The following MMS22L variants were observed in gnomAD, a reference collection of about 807,000 sequenced individuals.
MMS22L encodes the protein MMS22 like, DNA repair protein, also known as protein MMS22-like.
A neutral mutation model predicts 159.1 loss-of-function variants in MMS22L; 74 were observed. That is an observed-to-expected ratio of 0.47 (90% confidence interval 0.39 to 0.56). MMS22L has a LOEUF of 0.56. Ranked by LOEUF, MMS22L falls within the 20% of genes least tolerant of loss-of-function variation. The pLI is 0.00. For missense variants in MMS22L, 1,351 were observed against 1,422.1 expected, an observed-to-expected ratio of 0.95 and a Z score of 0.80; for synonymous variants, 517 against 506.9, an observed-to-expected ratio of 1.02 and a Z score of -0.27.
intron 14 of MMS22L, among the ~76,000 whole-genome samples, chr6:97,188,632 C>A (rs1805506377): frequency 6.6e-6 from 1 of 152,294 alleles, no homozygotes; most frequent in Non-Finnish European, 1.5e-5. Context: ...TATGCGCCTA[C>A]ACATACACAA....
chr6:97,146,938 T>C, intron 24 of MMS22L, 51 bp from the exon 25 acceptor site: 2 of 1,272,434 alleles, frequency 1.6e-6, no homozygotes, highest in Non-Finnish European at 2.2e-6. Context: ...TTTCATTATT[T>C]TTCATTTCAG....
intron 21 of MMS22L, among the ~76,000 whole-genome samples, chr6:97,163,371 GGGAGTGCA>G (rs1802640477): frequency 6.6e-6 from 1 of 151,922 alleles, no homozygotes; most frequent in Non-Finnish European, 1.5e-5. Flanking sequence ...ACTCAGATGA[GGGAGTGCA>G]GGAATAGAGA....
At chr6:97,161,278 C>G (rs1244784109) in intron 22 of MMS22L, among the ~76,000 whole-genome samples, 2 of 152,042 alleles carry the variant, frequency 1.3e-5, no homozygotes, top group African/African-American at 4.8e-5. Context: ...TTTGGCAGGA[C>G]TCTCTTTGAC....
chr6:97,208,733 T>G (rs1014252603), intron 14 of MMS22L, among the ~76,000 whole-genome samples: 1 of 152,018 alleles, frequency 6.6e-6, no homozygotes, highest in Non-Finnish European at 1.5e-5. Flanking sequence ...TATAAAGAAC[T>G]GCTCTCATCA....
intron 14 of MMS22L, among the ~76,000 whole-genome samples, chr6:97,193,333 A>G (rs1303062872): frequency 1.3e-5 from 2 of 152,216 alleles, no homozygotes; most frequent in Non-Finnish European, 2.9e-5. Flanking sequence ...GCTGTCTTAC[A>G]TACAATAAAA....
At chr6:97,263,481 A>G in intron 8 of MMS22L, 33 bp from the exon 9 acceptor site, 1 of 1,122,252 alleles carries the variant, frequency 8.9e-7, no homozygotes, top group Non-Finnish European at 1.3e-6. Context: ...GTTATTTATA[A>G]GACAGCAGCA....
intron 14 of MMS22L, among the ~76,000 whole-genome samples, chr6:97,194,090 G>A (rs1241195278): frequency 3.5e-5 from 5 of 144,374 alleles, no homozygotes; most frequent in Admixed American, 7.0e-5. Context: ...ACAGAGTCTC[G>A]CTCTGGTGCC....
chr6:97,153,714 AAAT>A (rs1384352282), intron 22 of MMS22L, among the ~76,000 whole-genome samples: 9 of 152,140 alleles, frequency 5.9e-5, no homozygotes, highest in Admixed American at 2.0e-4. Context: ...CAAATAAATG[AAAT>A]AATATGTGAC....
intron 3 of MMS22L, 57 bp downstream of exon 3, chr6:97,281,180 G>A (rs905203418): frequency 5.1e-5 from 77 of 1,521,232 alleles, no homozygotes; most frequent in East Asian, 9.2e-5. Flanking sequence ...ACCCAACAAC[G>A]TAATTTACAA....
rs2128041386 is a variant in MMS22L at position 97,246,707 on chromosome 6, T to TAGG, written c.1120-18_1120-17insCCT. On this transcript the variant is annotated splice_polypyrimidine_tract_variant and intron_variant, in intron 10 of 24. Transcript: ENST00000683635. ...CACTTTTCTCTAGAAAGGGAGAAAA[T>TAGG]AGTGCATCAAAATTATTGCTCTTGA... 2 of 1,445,638 alleles carry TAGG rather than the reference T, an allele frequency of 1.4e-6. No homozygotes were observed. The highest frequency in any genetic ancestry group is 1.8e-6 in the Non-Finnish European group (2 of 1,093,210). The allele number at this position is 1,445,638 out of a possible 1,614,324, so 89.6% of individuals were successfully genotyped here.
In MMS22L at chr6:97,182,054, T is replaced by C. The variant is rs761906784; in HGVS notation, c.2234A>G (p.Asp745Gly). The change falls in exon 16 of 25, where the codon GAC becomes GGC. Residue 745 changes from aspartate to glycine, a missense_variant and splice_region_variant. Transcript: ENST00000683635. ...CATGTCCATTGCTAGCAAAGTAAAG[T>C]CTAGATTCAAAATGAGAGAAACTTA... ...PFSQLADAAADFTLLAMDMPS... is the reference protein window; with the variant it reads ...PFSQLADAAAGFTLLAMDMPS... 1.2e-6 allele frequency: 2 copies of C among 1,606,656 alleles called. No individual in the cohort carries two copies. The highest frequency in any genetic ancestry group is 1.7e-6 in the Non-Finnish European group (2 of 1,177,466).
chr6:97,194,923 T>C (rs534367006), intron 14 of MMS22L, among the ~76,000 whole-genome samples: 2 of 152,176 alleles, frequency 1.3e-5, no homozygotes, highest in South Asian at 4.1e-4. Context: ...GGTACAAAAC[T>C]AGCAAACAGA....
At chr6:97,245,458 G>A (rs1044987063) in intron 11 of MMS22L, among the ~76,000 whole-genome samples, 1 of 151,996 alleles carries the variant, frequency 6.6e-6, no homozygotes, top group Admixed American at 6.6e-5. Flanking sequence ...AATGGCCACT[G>A]TAATATGCAT....
intron 21 of MMS22L, among the ~76,000 whole-genome samples, 178 bp from the exon 22 acceptor site, chr6:97,162,343 C>CT (rs1364720662): frequency 2.0e-5 from 3 of 152,024 alleles, no homozygotes; most frequent in Non-Finnish European, 4.4e-5. Context: ...GAAGCAATGA[C>CT]TGACTGTATA....
intron 8 of MMS22L, chr6:97,267,339 C>T (rs924144670): frequency 3.3e-5 from 5 of 151,950 alleles, no homozygotes; most frequent in African/African-American, 1.2e-4. Context: ...TAAAAATAAA[C>T]ATGTTCTGTA....
At chr6:97,173,524 C>T (rs1344693398) in intron 18 of MMS22L, among the ~76,000 whole-genome samples, 3 of 152,098 alleles carry the variant, frequency 2.0e-5, no homozygotes, top group Non-Finnish European at 4.4e-5. Flanking sequence ...AACTTATGTA[C>T]ACATACCTTG....
At chr6:97,159,666 C>T (rs1398665924) in intron 22 of MMS22L, among the ~76,000 whole-genome samples, 3 of 151,876 alleles carry the variant, frequency 2.0e-5, no homozygotes, top group Non-Finnish European at 4.4e-5. Context: ...TTGAGCTGAC[C>T]TGATGCCATA....
At chr6:97,169,990 CAGAG>C (rs1582443474) in intron 19 of MMS22L, among the ~76,000 whole-genome samples, 1 of 152,022 alleles carries the variant, frequency 6.6e-6, no homozygotes, top group Non-Finnish European at 1.5e-5. Flanking sequence ...GGAAGGCAGT[CAGAG>C]AGAGACACAA....
In MMS22L at chr6:97,178,532, A is replaced by G. The variant is rs1168207317; in HGVS notation, c.2590T>C (p.Ser864Pro). ...TTTGAGAAAATACTCTTTACTTCTG[A>G]GAGATTAAATAGTAATCTTGTCAGT... ...VKLTRLLFNL[S>P]EVKSIFSKAQ... The change falls in exon 18 of 25, where the codon TCA becomes CCA. Residue 864 changes from serine to proline, a missense_variant. Ser to Pro is a moderately conservative substitution (Grantham distance 74). Transcript: ENST00000683635. 1.9e-6 allele frequency: 3 copies of G among 1,577,566 alleles called. No homozygotes were observed. The highest frequency in any genetic ancestry group is 2.6e-6 in the Non-Finnish European group (3 of 1,152,378).
Sources: gnomAD v4.1 joint callset for allele counts (sites outside exome capture counted in the v4.1 genomes callset) on GRCh38, gnomAD v4.1.1 for gene constraint, MANE v1.5 for transcripts, NCBI Gene and HGNC (gene_info 2026-07-23, HGNC 2026-07-21) for gene names.